The following PAM variants were observed in gnomAD, a reference collection of about 807,000 sequenced individuals.
PAM encodes the protein peptidylglycine alpha-amidating monooxygenase, also known as peptidyl-glycine alpha-amidating monooxygenase.
Under a neutral mutation model 122.1 loss-of-function variants are expected in PAM, and 72 were observed. The ratio of observed to expected loss-of-function variants is 0.59; its 90% CI spans 0.49 to 0.72. The LOEUF (loss-of-function observed/expected upper bound fraction) is 0.72, where lower values mean the gene tolerates loss of function less well. Ranked by LOEUF, PAM falls within the 30% of genes least tolerant of loss-of-function variation. The pLI, the probability that PAM is intolerant of heterozygous loss-of-function variation, is 0.00. For missense variants in PAM, 1,106 were observed against 1,183.7 expected (o/e 0.93, Z 0.96); for synonymous variants, 389 against 404.4 (o/e 0.96, Z 0.46).
In PAM at chr5:102,926,804, C is replaced by A. The variant is rs1749736461; in HGVS notation, c.526+136C>A. 8 of 562,816 alleles carry A rather than the reference C, an allele frequency of 1.4e-5. No homozygotes were observed. In the South Asian group the frequency reaches 1.6e-4, roughly 11 times the overall value. The allele number at this position is 562,816 out of a possible 1,614,324, so 34.9% of individuals were successfully genotyped here. A position where few individuals can be genotyped will look rare whatever the true frequency, so the allele number is the denominator to read the frequency against. ...ACTAGGGGATAACAGCTTTTGTTTC[C>A]TTTAATTTGGAACTGTTGAAGGAAT... On this transcript the variant is annotated intron_variant, in intron 7 of 25. Coordinates refer to ENST00000438793, the MANE Select transcript of PAM (RefSeq NM_001177306.2).
chr5:102,867,432 G>A (rs779593570), intron 3 of PAM, 39 bp downstream of exon 3: 1 of 1,512,590 alleles, frequency 6.6e-7, no homozygotes, highest in Non-Finnish European at 9.1e-7. Context: ...ACTTGTTCTG[G>A]ATACAATCTA....
rs537373544 is a variant in PAM, at chr5:103,012,773, G to A, written c.2331+2907G>A. Among the ~76,000 whole-genome samples, 10 of 151,466 alleles carry A rather than the reference G, an allele frequency of 6.6e-5. No individual in the cohort carries two copies. The East Asian group carries it at 7.8e-4, about 12-fold the overall frequency. On this transcript the variant is annotated intron_variant, in intron 21 of 25. Transcript: ENST00000438793. ...CTGGAGGCTGAGGCAGGAGAATGGC[G>A]TGAACCCGGGAGGCAGAGCTTGCAG...
chr5:102,893,947 CT>C (rs1795452300), intron 3 of PAM, among the ~76,000 whole-genome samples: 1 of 151,674 alleles, frequency 6.6e-6, no homozygotes, highest in Non-Finnish European at 1.5e-5. Flanking sequence ...GTTTTTGTCG[CT>C]GTTTTTATTG....
chr5:102,850,903 C>T (rs905371342), intron 1 of PAM, among the ~76,000 whole-genome samples: 1 of 152,114 alleles, frequency 6.6e-6, no homozygotes, highest in Non-Finnish European at 1.5e-5. Flanking sequence ...CTACTGACTA[C>T]CATTTGGTCT....
In PAM at chr5:103,015,429, T is replaced by C. The variant is rs1292076894; in HGVS notation, c.2332-1905T>C. 3.3e-5 allele frequency among the ~76,000 whole-genome samples: 5 copies of C among 152,142 alleles called. No homozygotes were observed. The East Asian group carries it at 7.7e-4, about 23-fold the overall frequency. ...AAGATATTATCATGCTTCTGTCATG[T>C]TGATTTTATTTTGCTGGGGGTACCT... is the stretch of plus-strand genomic sequence containing the variant. On this transcript the variant is annotated intron_variant, in intron 21 of 25. Coordinates refer to ENST00000438793, the MANE Select transcript of PAM (RefSeq NM_001177306.2).
chr5:102,807,575 G>T (rs1766571931), intron 1 of PAM, among the ~76,000 whole-genome samples: 1 of 152,162 alleles, frequency 6.6e-6, no homozygotes, highest in Admixed American at 6.5e-5. Context: ...GTGATGTATT[G>T]GCAAGGATTT....
At chr5:102,894,229 G>A (rs1795539356) in intron 3 of PAM, among the ~76,000 whole-genome samples, 1 of 151,602 alleles carries the variant, frequency 6.6e-6, no homozygotes, top group Admixed American at 6.6e-5. Context: ...CTTCTAGGGG[G>A]AGCCACAGAG....
intron 3 of PAM, among the ~76,000 whole-genome samples, chr5:102,870,187 G>T (rs957394652): frequency 6.6e-6 from 1 of 151,796 alleles, no homozygotes; most frequent in African/African-American, 2.4e-5. Flanking sequence ...GGAATTGAGA[G>T]ACATCATGTT....
rs1161967650 is a variant in PAM, at chr5:102,798,861, A to G, written c.-374+43513A>G. On this transcript the variant is annotated intron_variant, in intron 1 of 25. Transcript: ENST00000438793. ...AAAATATTTTAGCTTTTCTGTCTGT[A>G]TCGTGTTTTGTCTATAACTTATGTG... 2.5e-4 allele frequency among the ~76,000 whole-genome samples: 38 copies of G among 152,164 alleles called. 1 individual carries two copies. The highest frequency in any genetic ancestry group is 2.3e-3 in the Admixed American group (35 of 15,274).
At chr5:102,943,399 C>T (rs1363230672) in intron 7 of PAM, among the ~76,000 whole-genome samples, 1 of 152,124 alleles carries the variant, frequency 6.6e-6, no homozygotes, top group Non-Finnish European at 1.5e-5. Flanking sequence ...CCTCATATCC[C>T]ATGCATTCAC....
At chr5:102,972,220 G>A (rs1050757661) in intron 14 of PAM, among the ~76,000 whole-genome samples, 2 of 152,118 alleles carry the variant, frequency 1.3e-5, no homozygotes, top group African/African-American at 4.8e-5. Flanking sequence ...CAGCCTGAGC[G>A]AAAGAGAGAG....
At chr5:102,939,767 A>G (rs1754486990) in intron 7 of PAM, among the ~76,000 whole-genome samples, 1 of 152,106 alleles carries the variant, frequency 6.6e-6, no homozygotes, top group South Asian at 2.1e-4. Context: ...ACATGCATAC[A>G]TAGTTATATG....
intron 1 of PAM, among the ~76,000 whole-genome samples, chr5:102,803,453 T>C (rs183841458): frequency 1.3e-5 from 2 of 152,192 alleles, no homozygotes; most frequent in African/African-American, 2.4e-5. Context: ...ATTCCAGCCT[T>C]AATTCTTTAG....
chr5:102,933,898 G>A (rs924316443), intron 7 of PAM, among the ~76,000 whole-genome samples: 25 of 152,258 alleles, frequency 1.6e-4, no homozygotes, highest in African/African-American at 5.5e-4. Context: ...GAGTGCTCCT[G>A]ACTTCCTGAC....
chr5:102,901,220 C>T (rs1163243539), intron 3 of PAM, 136 bp from the exon 4 acceptor site: 3 of 570,112 alleles, frequency 5.3e-6, no homozygotes, highest in African/African-American at 1.9e-5. Context: ...TTCCATTAAC[C>T]TGCCACTCAG....
At chr5:102,831,255 G>A (rs1775356605) in intron 1 of PAM, among the ~76,000 whole-genome samples, 1 of 151,982 alleles carries the variant, frequency 6.6e-6, no homozygotes, top group Non-Finnish European at 1.5e-5. Context: ...CATTATGTAG[G>A]CATGAAAAAT....
At chr5:102,903,365 T>C (rs1220205355) in intron 4 of PAM, among the ~76,000 whole-genome samples, 1 of 151,506 alleles carries the variant, frequency 6.6e-6, no homozygotes, top group Non-Finnish European at 1.5e-5. Flanking sequence ...AAATTAGAAC[T>C]GGAAAATGGA....
In PAM at chr5:102,949,919, T is replaced by C; in HGVS notation, c.742T>C (p.Tyr248His). Residue 248 changes from tyrosine to histidine, a missense_variant, in exon 11 of 26, where the codon TAC becomes CAC. Coordinates refer to ENST00000438793, the MANE Select transcript of PAM (RefSeq NM_001177306.2). ...TATTACAGGTAAGGTAGTAAGTGGA[T>C]ACAGAGTAAGAAATGGACAGTGGAC... ...THHLGKVVSG[Y>H]RVRNGQWTLI... 1.3e-6 allele frequency: 2 copies of C among 1,574,934 alleles called. No individual in the cohort carries two copies. Among genetic ancestry groups the C allele is most frequent in the Non-Finnish European group, 1.7e-6 (2 of 1,145,408 alleles).
intron 19 of PAM, 68 bp from the exon 20 acceptor site, chr5:103,007,389 C>A: frequency 7.8e-7 from 1 of 1,279,760 alleles, no homozygotes; most frequent in Non-Finnish European, 1.1e-6. Context: ...AATTTAGAAA[C>A]ATACTAGAGA....
Sources: allele counts gnomAD v4.1 joint callset (sites outside exome capture counted in the v4.1 genomes callset), GRCh38; gene constraint gnomAD v4.1.1; transcripts MANE v1.5; gene names NCBI Gene and HGNC (gene_info 2026-07-23, HGNC 2026-07-21).